The following ERG variants were observed in gnomAD, a reference collection of about 807,000 sequenced individuals.
ERG encodes ETS transcription factor ERG, also known as transcriptional regulator ERG.
A neutral mutation model predicts 55.3 loss-of-function variants in ERG; 9 were observed. The observed-to-expected ratio is 0.16, with a 90% CI of 0.10 to 0.28. ERG has a LOEUF of 0.28. Ranked by LOEUF, ERG falls within the 10% of genes least tolerant of loss-of-function variation. ERG has a pLI of 1.00. For missense variants in ERG, 434 were observed against 631.6 expected, an observed-to-expected ratio of 0.69 and a Z score of 3.35; for synonymous variants, 223 against 237.3, an observed-to-expected ratio of 0.94 and a Z score of 0.55.
intron 1 of ERG, among the ~76,000 whole-genome samples, chr21:38,590,819 T>C (rs562921812): frequency 4.1e-4 from 63 of 152,120 alleles, no homozygotes; most frequent in Middle Eastern, 3.4e-3. Flanking sequence ...AGAGACAGAG[T>C]TGTAAAGAAA....
At chr21:38,520,133 G>T (rs757298350) in intron 2 of ERG, among the ~76,000 whole-genome samples, 1 of 152,130 alleles carries the variant, frequency 6.6e-6, no homozygotes, top group South Asian at 2.1e-4. Context: ...GATGAAACGG[G>T]GGAGAAGGGA....
At chr21:38,524,765 C>A (rs993801784) in intron 2 of ERG, among the ~76,000 whole-genome samples, 2 of 152,078 alleles carry the variant, frequency 1.3e-5, no homozygotes, top group African/African-American at 4.8e-5. Flanking sequence ...GAAAGAAATC[C>A]AAGGATTTTT....
At chr21:38,585,174 G>A (rs781645267), upstream of ERG, among the ~76,000 whole-genome samples, 1 of 152,190 alleles carries the variant, frequency 6.6e-6, no homozygotes, top group African/African-American at 2.4e-5. Context: ...GCAAGGCCAA[G>A]CCTAACTGGC....
At chr21:38,573,577 C>T (rs915163188) in intron 2 of ERG, among the ~76,000 whole-genome samples, 3 of 152,156 alleles carry the variant, frequency 2.0e-5, no homozygotes, top group Non-Finnish European at 2.9e-5. Flanking sequence ...AGGCATAGTA[C>T]CTTCCCTTGA....
Position 38,381,839 on chromosome 21 carries a change from G to A in ERG, c.*1564C>T, listed in dbSNP as rs1987453528. ...AAAAGGGGCTAGAAATAAAAGACAG[G>A]AGGGGAGGCAAGAAGGACCTGGAGA... On this transcript the variant is annotated 3_prime_UTR_variant, in exon 10 of 10. Transcript: ENST00000288319. 3 of 1,063,770 alleles carry A rather than the reference G, an allele frequency of 2.8e-6. No individual in the cohort carries two copies. Among genetic ancestry groups the A allele is most frequent in the South Asian group, 9.1e-5 (2 of 21,960 alleles). 65.9% of individuals were successfully genotyped at this position (1,063,770 alleles called of 1,614,324 possible).
chr21:38,435,868 T>C (rs1990419480), intron 2 of ERG, among the ~76,000 whole-genome samples: 1 of 152,152 alleles, frequency 6.6e-6, no homozygotes, highest in African/African-American at 2.4e-5. Flanking sequence ...AGATGTGACA[T>C]CTTTTCTATC....
the ERG span, among the ~76,000 whole-genome samples, chr21:38,374,460 A>G: frequency 3.9e-5 from 6 of 152,350 alleles, no homozygotes; most frequent in East Asian, 1.2e-3. Flanking sequence ...GGTAAATCAA[A>G]GGTTAGTCTT....
rs192752687 is a variant in ERG at position 38,538,487 on chromosome 21, T to G, written c.-41+37175A>C. Among the ~76,000 whole-genome samples the G allele has an allele frequency of 5.6e-4, 85 of 151,356 alleles. 1 individual carries two copies. Among genetic ancestry groups the G allele is most frequent in the African/African-American group, 2.0e-3 (84 of 41,240 alleles). Reference sequence around the variant, plus strand: ...CAAAGTGACCAAGTGACCTACGGAGTAATGGGCTTCCATCTAGCCACTCCC... The same window carrying G: ...CAAAGTGACCAAGTGACCTACGGAGGAATGGGCTTCCATCTAGCCACTCCC... On this transcript the variant is annotated intron_variant, in intron 2 of 8. Transcript: ENST00000398897.
At chr21:38,439,855 G>A (rs1389701839) in intron 2 of ERG, among the ~76,000 whole-genome samples, 2 of 152,140 alleles carry the variant, frequency 1.3e-5, no homozygotes, top group East Asian at 1.9e-4. Flanking sequence ...TCCACTATTC[G>A]GTTGGGAACT....
intron 1 of ERG, among the ~76,000 whole-genome samples, chr21:38,609,548 G>C (rs1032410844): frequency 1.3e-5 from 2 of 152,162 alleles, no homozygotes; most frequent in African/African-American, 4.8e-5. Flanking sequence ...AAATCAGTAC[G>C]TGAACTCAAT....
intron 1 of ERG, among the ~76,000 whole-genome samples, chr21:38,579,154 C>G (rs146045135): frequency 6.6e-6 from 1 of 152,236 alleles, no homozygotes; most frequent in East Asian, 1.9e-4. Context: ...GCCAGCCTCC[C>G]CTGGATTCCA....
chr21:38,650,720 A>G (rs1601355343), intron 1 of ERG, among the ~76,000 whole-genome samples: 1 of 152,244 alleles, frequency 6.6e-6, no homozygotes, highest in Admixed American at 6.5e-5. Flanking sequence ...TAGTACACAT[A>G]TAGCACACTG....
At chr21:38,483,845 C>T (rs1021981760) in intron 1 of ERG, among the ~76,000 whole-genome samples, 6 of 152,014 alleles carry the variant, frequency 3.9e-5, no homozygotes, top group Middle Eastern at 3.4e-3. Flanking sequence ...CCAGCCTGGG[C>T]GACAGAGTGA....
At chr21:38,596,055 T>C in intron 1 of ERG, among the ~76,000 whole-genome samples, 1 of 103,656 alleles carries the variant, frequency 9.6e-6, no homozygotes. Flanking sequence ...TGGTGTGGGA[T>C]TGGGGGGGGG....
intron 1 of ERG, among the ~76,000 whole-genome samples, chr21:38,463,723 G>A (rs2088860228): frequency 1.3e-5 from 2 of 152,212 alleles, no homozygotes; most frequent in East Asian, 3.8e-4. Context: ...GCCACCCCTC[G>A]TGAGCTGGGG....
Position 38,382,886 on chromosome 21 carries a change from T to C in ERG, c.*517A>G. 7 of 1,066,520 alleles carry C rather than the reference T, an allele frequency of 6.6e-6. No individual in the cohort carries two copies. Among genetic ancestry groups the C allele is most frequent in the Non-Finnish European group, 8.0e-6 (7 of 879,756 alleles). 66.1% of individuals were successfully genotyped at this position (1,066,520 alleles called of 1,614,324 possible). On this transcript the variant is annotated 3_prime_UTR_variant, in exon 10 of 10. Transcript: ENST00000288319. ...AACCAAAACAGCACATGCCATGCAG[T>C]TGCATATCAACGTCTGTTGATGGGC...
intron 1 of ERG, among the ~76,000 whole-genome samples, chr21:38,459,738 T>G (rs1179202255): frequency 1.3e-5 from 2 of 152,190 alleles, no homozygotes; most frequent in East Asian, 1.9e-4. Context: ...ATTCTCTTAG[T>G]CATAAGTTCA....
chr21:38,494,548 G>T (rs954337392), intron 1 of ERG, among the ~76,000 whole-genome samples: 2 of 152,198 alleles, frequency 1.3e-5, no homozygotes, highest in Non-Finnish European at 2.9e-5. Flanking sequence ...AACAGAAATG[G>T]TTGTTTCATT....
chr21:38,548,402 C>G (rs1439299935), intron 2 of ERG, among the ~76,000 whole-genome samples: 1 of 151,694 alleles, frequency 6.6e-6, no homozygotes, highest in Non-Finnish European at 1.5e-5. Context: ...GCAACGATTC[C>G]AAGATCCTTA....
Sources: gnomAD v4.1 joint callset for allele counts (sites outside exome capture counted in the v4.1 genomes callset) on GRCh38, gnomAD v4.1.1 for gene constraint, MANE v1.5 for transcripts, NCBI Gene and HGNC (gene_info 2026-07-23, HGNC 2026-07-21) for gene names.